The following DEPDC1B variants were observed in gnomAD, a reference collection of about 807,000 sequenced individuals.
The protein encoded by DEPDC1B is DEP domain-containing protein 1B.
DEPDC1B carries 51 observed loss-of-function variants against 66.5 expected under a neutral mutation model. The ratio of observed to expected loss-of-function variants is 0.77; its 90% confidence interval spans 0.61 to 0.97. DEPDC1B has a LOEUF of 0.97. DEPDC1B is among the 50% of genes least tolerant of loss of function. The pLI, the probability that DEPDC1B is intolerant of heterozygous loss-of-function variation, is 0.00. For missense variants in DEPDC1B, 552 were observed against 637.1 expected (o/e 0.87, Z 1.44); for synonymous variants, 226 against 223.6 (o/e 1.01, Z -0.10).
intron 2 of DEPDC1B, among the ~76,000 whole-genome samples, chr5:60,677,340 T>A (rs555716126): frequency 0.095 from 14,014 of 147,018 alleles, 676 homozygotes; most frequent in Middle Eastern, 0.12. Flanking sequence ...TCTCTCTCTC[T>A]CTCTCTCTCT....
intron 2 of DEPDC1B, among the ~76,000 whole-genome samples, chr5:60,666,078 G>A (rs938696687): frequency 1.3e-5 from 2 of 152,136 alleles, no homozygotes; most frequent in South Asian, 2.1e-4. Context: ...TTCGCTCGCC[G>A]TCCACCACTG....
chr5:60,647,174 C>T (rs926881674), intron 3 of DEPDC1B, among the ~76,000 whole-genome samples: 2 of 151,748 alleles, frequency 1.3e-5, no homozygotes, highest in Non-Finnish European at 2.9e-5. Flanking sequence ...TTGGGGACTG[C>T]TGCCCTAAAC....
intron 7 of DEPDC1B, among the ~76,000 whole-genome samples, chr5:60,633,215 C>T (rs1752964619): frequency 6.6e-6 from 1 of 152,182 alleles, no homozygotes; most frequent in South Asian, 2.1e-4. Context: ...GACTCCTTAC[C>T]CCTGAAGTTA....
At position 60,687,129 on chromosome 5, in the gene DEPDC1B, A is replaced by G. The variant is rs759288020; in HGVS notation, c.147T>C (p.Ala49=). 8.7e-6 allele frequency: 14 copies of G among 1,614,096 alleles called. No individual in the cohort carries two copies. In the East Asian group the frequency reaches 2.9e-4, roughly 33 times the overall value. The part of the protein sequence containing the change: ...SYEHCFTAAE[A]VDWLHELLRC... ...TCAGCAGCTCATGCAGCCAATCCAC[A>G]GCTTCGGCCGCTGTGAAACAATGCT... The change falls in exon 2 of 11, where the codon GCT becomes GCC. Residue 49 remains alanine (A), a synonymous_variant. Coordinates refer to ENST00000265036, the MANE Select transcript of DEPDC1B (RefSeq NM_018369.3).
chr5:60,645,485 TA>T lies in DEPDC1B; in HGVS notation c.578+6del, dbSNP rs1355467499. On this transcript the variant is annotated splice_donor_region_variant and intron_variant, in intron 4 of 10. Coordinates refer to ENST00000265036, the MANE Select transcript of DEPDC1B (RefSeq NM_018369.3). The stretch of plus-strand genomic sequence containing the variant: ...TAAAATTTCTCATTAATATCAAATG[TA>T]CATACTATGATAATGTCATAGACTT... 18 of 1,601,644 alleles carry T rather than the reference TA, an allele frequency of 1.1e-5. 1 individual carries two copies. The highest frequency in any genetic ancestry group is 5.3e-5 in the Admixed American group (3 of 57,130).
chr5:60,619,295 C>T (rs567378766), intron 7 of DEPDC1B, among the ~76,000 whole-genome samples: 18 of 152,162 alleles, frequency 1.2e-4, no homozygotes, highest in Non-Finnish European at 2.1e-4. Context: ...CCAAGGCAAT[C>T]AGGAAGGAGA....
intron 2 of DEPDC1B, among the ~76,000 whole-genome samples, chr5:60,651,628 T>G (rs1753458193): frequency 6.6e-6 from 1 of 151,956 alleles, no homozygotes; most frequent in Admixed American, 6.5e-5. Context: ...AACAGATAAC[T>G]AGAAAAGAAA....
At chr5:60,686,834 A>T in intron 2 of DEPDC1B, 128 bp downstream of exon 2, 2 of 1,233,698 alleles carry the variant, frequency 1.6e-6, no homozygotes, top group Non-Finnish European at 2.3e-6. Flanking sequence ...CCACTCAACA[A>T]ATCACAACTA....
intron 2 of DEPDC1B, among the ~76,000 whole-genome samples, chr5:60,673,912 A>C (rs1224836756): frequency 6.6e-6 from 1 of 152,132 alleles, no homozygotes; most frequent in Non-Finnish European, 1.5e-5. Flanking sequence ...CCTTTATTCC[A>C]TTTCCCATTT....
intron 2 of DEPDC1B, among the ~76,000 whole-genome samples, chr5:60,666,701 C>T (rs1734357768): frequency 6.6e-6 from 1 of 152,100 alleles, no homozygotes. Context: ...TGTGAGGGTC[C>T]TTGGTTGTAG....
At chr5:60,615,829 T>G (rs1018550534) in intron 7 of DEPDC1B, among the ~76,000 whole-genome samples, 3 of 152,196 alleles carry the variant, frequency 2.0e-5, no homozygotes, top group South Asian at 2.1e-4. Flanking sequence ...GATCTGAGAA[T>G]GGACAGACTG....
intron 7 of DEPDC1B, among the ~76,000 whole-genome samples, chr5:60,616,518 G>A (rs540481634): frequency 7.6e-4 from 116 of 152,246 alleles, no homozygotes; most frequent in African/African-American, 2.6e-3. Flanking sequence ...TTGCTGATTC[G>A]ATCAAATGGA....
At chr5:60,693,470 T>A (rs905228496) in intron 1 of DEPDC1B, among the ~76,000 whole-genome samples, 1 of 152,208 alleles carries the variant, frequency 6.6e-6, no homozygotes, top group African/African-American at 2.4e-5. Context: ...AATGAGATCA[T>A]GACTATAAAA....
At chr5:60,655,167 T>C (rs566987089) in intron 2 of DEPDC1B, among the ~76,000 whole-genome samples, 3 of 149,372 alleles carry the variant, frequency 2.0e-5, no homozygotes, top group South Asian at 4.4e-4. Flanking sequence ...TCCCTCTTTC[T>C]CTATATTTTG....
At chr5:60,687,849 G>GA (rs545309418) in intron 1 of DEPDC1B, 338 of 197,776 alleles carry the variant, frequency 1.7e-3, no homozygotes, top group Admixed American at 2.8e-3. Flanking sequence ...CTATTGATAG[G>GA]AAAAAAAACT....
intron 6 of DEPDC1B, among the ~76,000 whole-genome samples, chr5:60,639,414 C>G (rs1339107091): frequency 6.6e-6 from 1 of 152,094 alleles, no homozygotes; most frequent in Non-Finnish European, 1.5e-5. Context: ...CTATTTCAGA[C>G]TAATAAATAT....
intron 7 of DEPDC1B, among the ~76,000 whole-genome samples, chr5:60,635,547 G>T (rs973724634): frequency 1.3e-5 from 2 of 152,186 alleles, no homozygotes; most frequent in African/African-American, 4.8e-5. Context: ...AATAAACCAG[G>T]AGTTGCAAGC....
At chr5:60,617,744 A>G (rs1752595169) in intron 7 of DEPDC1B, among the ~76,000 whole-genome samples, 1 of 152,200 alleles carries the variant, frequency 6.6e-6, no homozygotes. Flanking sequence ...CAGAAAGTTA[A>G]CAAGGATATC....
intron 7 of DEPDC1B, among the ~76,000 whole-genome samples, chr5:60,616,144 G>A (rs546118771): frequency 1.1e-4 from 16 of 152,098 alleles, no homozygotes; most frequent in Admixed American, 3.3e-4. Context: ...CCATCTGTAC[G>A]TCACCATCAT....
Sources: gnomAD v4.1 joint callset for allele counts (sites outside exome capture counted in the v4.1 genomes callset) on GRCh38, gnomAD v4.1.1 for gene constraint, MANE v1.5 for transcripts, NCBI Gene and HGNC (gene_info 2026-07-23, HGNC 2026-07-21) for gene names.